Variants in IRAK3 observed in about 807,000 individuals in gnomAD.
IRAK3 encodes interleukin-1 receptor-associated kinase 3.
A neutral mutation model predicts 56.6 loss-of-function variants in IRAK3; 57 were observed. The observed-to-expected ratio is 1.01, with a 90% CI of 0.81 to 1.26. IRAK3 has a LOEUF of 1.26. Ranked by LOEUF, IRAK3 falls within the 50% of genes most tolerant of loss-of-function variation. The probability of loss-of-function intolerance (pLI) is 0.00; values close to 1 mark genes in which losing one functional copy is unlikely to be tolerated. For missense variants in IRAK3, 703 were observed against 719.0 expected (o/e 0.98, Z 0.25); for synonymous variants, 258 against 255.7 (o/e 1.01, Z -0.09).
chr12:66,230,388 T>C (rs1000673079), intron 8 of IRAK3, among the ~76,000 whole-genome samples: 3 of 151,474 alleles, frequency 2.0e-5, no homozygotes, highest in Non-Finnish European at 4.4e-5. Context: ...AGAGGTTGAG[T>C]TGGGATATTA....
At chr12:66,239,101 T>C (rs549550725) in intron 8 of IRAK3, among the ~76,000 whole-genome samples, 25 of 152,320 alleles carry the variant, frequency 1.6e-4, no homozygotes, top group African/African-American at 5.8e-4. Flanking sequence ...TCCTTAGCAT[T>C]TTCCATCCCA....
intron 6 of IRAK3, among the ~76,000 whole-genome samples, chr12:66,222,510 G>C (rs1049206122): frequency 1.3e-5 from 2 of 151,884 alleles, no homozygotes; most frequent in African/African-American, 4.8e-5. Flanking sequence ...TGTGGTATCA[G>C]TTGTAATGTC....
chr12:66,219,234 T>C (rs530208350), intron 6 of IRAK3, among the ~76,000 whole-genome samples: 2 of 152,352 alleles, frequency 1.3e-5, no homozygotes, highest in East Asian at 3.9e-4. Context: ...TTTGGTTCTG[T>C]GTCCCCACCC....
At chr12:66,198,211 C>A in intron 1 of IRAK3, 1 of 522,690 alleles carries the variant, frequency 1.9e-6, no homozygotes, top group Non-Finnish European at 2.5e-6. Context: ...AAGTTAAGTT[C>A]ATATGCTAAC....
At chr12:66,242,069 T>C (rs184880045) in intron 8 of IRAK3, among the ~76,000 whole-genome samples, 53 of 152,288 alleles carry the variant, frequency 3.5e-4, no homozygotes, top group African/African-American at 9.1e-4. Context: ...TTCTATGCCT[T>C]TTTTTAGAGC....
intron 1 of IRAK3, among the ~76,000 whole-genome samples, chr12:66,202,451 T>C (rs1455373433): frequency 6.6e-6 from 1 of 151,916 alleles, no homozygotes; most frequent in Admixed American, 6.6e-5. Context: ...AATAAGGAGA[T>C]ACTCACAAAA....
chr12:66,227,659 G>A lies in IRAK3; in HGVS notation c.769-593G>A, dbSNP rs557511862. Among the ~76,000 whole-genome samples, 330 of 151,954 alleles carry A rather than the reference G, an allele frequency of 2.2e-3. 10 individuals carry two copies. The Middle Eastern group carries it at 0.031, about 14-fold the overall frequency. On this transcript the variant is annotated intron_variant, in intron 7 of 11. Transcript: ENST00000261233. The stretch of plus-strand genomic sequence containing the variant: ...TGCCTGTCCCAGCTACTTCAGAGGC[G>A]GAGGCAGGAGAGTTGCTTGAGCCCA...
intron 5 of IRAK3, among the ~76,000 whole-genome samples, chr12:66,216,113 A>G (rs2052674427): frequency 6.6e-6 from 1 of 152,172 alleles, no homozygotes; most frequent in Non-Finnish European, 1.5e-5. Context: ...CCACATTTCA[A>G]GCAACAGGGT....
At chr12:66,212,213 G>T (rs1273372240) in intron 5 of IRAK3, among the ~76,000 whole-genome samples, 1 of 152,114 alleles carries the variant, frequency 6.6e-6, no homozygotes, top group Non-Finnish European at 1.5e-5. Flanking sequence ...GGATGAGCCG[G>T]GTCCTCTCCA....
At chr12:66,247,629 T>A in intron 11 of IRAK3, 66 bp from the exon 12 acceptor site, 1 of 980,856 alleles carries the variant, frequency 1.0e-6, no homozygotes, top group Admixed American at 1.7e-5. Context: ...ATAGGTAGAG[T>A]GATAAAAGGT....
At position 66,244,674 on chromosome 12, in the gene IRAK3, G is replaced by T; in HGVS notation, c.1076G>T (p.Ser359Ile). The T allele has an allele frequency of 6.2e-7, 1 of 1,613,390 alleles. No homozygotes were observed. The highest frequency in any genetic ancestry group is 1.7e-5 in the Admixed American group (1 of 60,030). The change falls in exon 9 of 12, where the codon AGC becomes ATC. Residue 359 changes from serine to isoleucine, a missense_variant. Coordinates refer to ENST00000261233, the MANE Select transcript of IRAK3 (RefSeq NM_007199.3). ...CTTTCCATTAAAACAGATGTCTACAGCTTTGGAATTGTGAGTACCAACTGC... is the reference window on the plus strand; with the variant it reads ...CTTTCCATTAAAACAGATGTCTACATCTTTGGAATTGTGAGTACCAACTGC... Reference protein sequence around the residue: ...GKLSIKTDVYSFGIVIMEVLT... With the variant: ...GKLSIKTDVYIFGIVIMEVLT...
At chr12:66,198,613 G>A (rs2052477464) in intron 1 of IRAK3, among the ~76,000 whole-genome samples, 1 of 151,950 alleles carries the variant, frequency 6.6e-6, no homozygotes, top group Non-Finnish European at 1.5e-5. Context: ...AGTTTCAAAG[G>A]GTAGCAGGAA....
intron 4 of IRAK3, among the ~76,000 whole-genome samples, chr12:66,210,487 T>A (rs1248872318): frequency 6.6e-6 from 1 of 152,220 alleles, no homozygotes; most frequent in Non-Finnish European, 1.5e-5. Context: ...TGTTTGTGTG[T>A]CATGGGAAAA....
At chr12:66,193,302 C>T (rs1478271881) in intron 1 of IRAK3, among the ~76,000 whole-genome samples, 5 of 152,198 alleles carry the variant, frequency 3.3e-5, no homozygotes, top group Middle Eastern at 6.8e-3. Flanking sequence ...CGTGAGCCAC[C>T]GCGCCTGGCC....
intron 1 of IRAK3, among the ~76,000 whole-genome samples, chr12:66,190,161 GTTTAAT>G (rs2052385806): frequency 6.6e-6 from 1 of 152,130 alleles, no homozygotes; most frequent in East Asian, 1.9e-4. Context: ...ACAATGTCAT[GTTTAAT>G]GTTTATTGAA....
intron 8 of IRAK3, chr12:66,234,446 A>T (rs1316245925): frequency 1.6e-5 from 26 of 1,611,426 alleles, no homozygotes; most frequent in Non-Finnish European, 2.2e-5. Flanking sequence ...AGTTTGAGTG[A>T]TCATTCGGTT....
rs190968828 is a variant in IRAK3, at chr12:66,217,989, T to C, written c.653+754T>C. 3.9e-5 allele frequency among the ~76,000 whole-genome samples: 6 copies of C among 152,298 alleles called. No homozygotes were observed. In the East Asian group the frequency reaches 1.2e-3, roughly 29 times the overall value. On this transcript the variant is annotated intron_variant, in intron 6 of 11. Coordinates refer to ENST00000261233, the MANE Select transcript of IRAK3 (RefSeq NM_007199.3). ...TAAAAAATGAAATCCAAAATTGTAA[T>C]AGTAAAAAGTTTTTACATGTGAGTT... is the stretch of plus-strand genomic sequence containing the variant.
intron 5 of IRAK3, among the ~76,000 whole-genome samples, chr12:66,213,791 A>AG (rs2052637302): frequency 6.6e-6 from 1 of 151,880 alleles, no homozygotes; most frequent in African/African-American, 2.4e-5. Context: ...AAAAAAAAAA[A>AG]AAAAAAAGAT....
intron 8 of IRAK3, 71 bp from the exon 9 acceptor site, chr12:66,244,415 T>C: frequency 9.0e-7 from 1 of 1,109,066 alleles, no homozygotes; most frequent in Non-Finnish European, 1.4e-6. Flanking sequence ...AAGGTGAGTT[T>C]ATAGTATGTT....
Sources: allele counts gnomAD v4.1 joint callset (sites outside exome capture counted in the v4.1 genomes callset), GRCh38; gene constraint gnomAD v4.1.1; transcripts MANE v1.5; gene names NCBI Gene and HGNC (gene_info 2026-07-23, HGNC 2026-07-21).